Variants in LIPC observed in about 807,000 individuals in gnomAD.
The protein encoded by LIPC is lipase C, hepatic type.
In LIPC, 44 loss-of-function variants were observed where a neutral mutation model predicts 50.7. The ratio of observed to expected loss-of-function variants is 0.87; its 90% CI spans 0.68 to 1.11. The LOEUF (loss-of-function observed/expected upper bound fraction) is 1.11, where lower values mean the gene tolerates loss of function less well. Among genes scored for constraint, LIPC ranks in the 50% most tolerant of loss-of-function variants. The pLI is 0.00. For synonymous variants in LIPC, 271 were observed against 256.4 expected (o/e 1.06, Z -0.54); for missense variants, 697 against 648.2 (o/e 1.08, Z -0.82).
chr15:58,555,120 T>C (rs1179906324), intron 6 of LIPC, among the ~76,000 whole-genome samples: 5 of 152,234 alleles, frequency 3.3e-5, no homozygotes, highest in African/African-American at 1.2e-4. Context: ...CTTTGCATCC[T>C]CTAAAGCTGA....
At chr15:58,518,112 G>T (rs1388683505) in intron 1 of LIPC, among the ~76,000 whole-genome samples, 1 of 152,186 alleles carries the variant, frequency 6.6e-6, no homozygotes, top group African/African-American at 2.4e-5. Context: ...ATTCTTTGTT[G>T]TGAGAGGCTG....
intron 1 of LIPC, among the ~76,000 whole-genome samples, chr15:58,490,105 A>G (rs1238117354): frequency 6.6e-6 from 1 of 152,214 alleles, no homozygotes; most frequent in East Asian, 1.9e-4. Context: ...AGGATTTACT[A>G]TTCAGCACAT....
At chr15:58,476,612 C>T (rs1256387216) in intron 1 of LIPC, among the ~76,000 whole-genome samples, 1 of 152,234 alleles carries the variant, frequency 6.6e-6, no homozygotes, top group East Asian at 1.9e-4. Context: ...GGACCTCACC[C>T]TGCCGGCTGC....
chr15:58,564,930 C>T (rs1040269755), intron 8 of LIPC, among the ~76,000 whole-genome samples: 5 of 152,120 alleles, frequency 3.3e-5, no homozygotes, highest in African/African-American at 1.2e-4. Context: ...AACGGTCTCT[C>T]CTCTCCCACC....
intron 8 of LIPC, chr15:58,565,267 A>G (rs1293903282): frequency 1.3e-6 from 2 of 1,535,484 alleles, no homozygotes; most frequent in African/African-American, 2.7e-5. Context: ...GGCCCATTGG[A>G]GCAGCGCTGC....
At chr15:58,526,424 C>A (rs1892801336) in intron 1 of LIPC, among the ~76,000 whole-genome samples, 1 of 152,182 alleles carries the variant, frequency 6.6e-6, no homozygotes, top group Non-Finnish European at 1.5e-5. Context: ...GCTGGAGCAC[C>A]CTAGCTGGTG....
At chr15:58,484,799 A>G (rs1014004633) in intron 1 of LIPC, among the ~76,000 whole-genome samples, 1 of 152,260 alleles carries the variant, frequency 6.6e-6, no homozygotes, top group African/African-American at 2.4e-5. Context: ...GGAGTATGCC[A>G]ACTGAGAATG....
In LIPC at chr15:58,563,601, C is replaced by G. The variant is rs1260054193; in HGVS notation, c.1266C>G (p.Asn422Lys). Reference sequence around the variant, plus strand: ...TCATGATCAAGTTCAAGTGGGAAAACAGTGCAGTGTGGGCCAATGTCTGGG... The same window carrying G: ...TCATGATCAAGTTCAAGTGGGAAAAGAGTGCAGTGTGGGCCAATGTCTGGG... Reference protein sequence around the residue: ...ELIMIKFKWENSAVWANVWDT... With the variant: ...ELIMIKFKWEKSAVWANVWDT... The change falls in exon 8 of 9, where the codon AAC becomes AAG. Residue 422 changes from asparagine to lysine, a missense_variant. By Grantham distance (94) the Asn-to-Lys change is moderately conservative (BLOSUM62 0). Coordinates refer to ENST00000299022, the MANE Select transcript of LIPC (RefSeq NM_000236.3). 3 of 1,614,046 alleles carry G rather than the reference C, an allele frequency of 1.9e-6. No individual in the cohort carries two copies. The highest frequency in any genetic ancestry group is 2.7e-5 in the African/African-American group (2 of 74,930).
chr15:58,542,049 A>G, intron 3 of LIPC, 82 bp downstream of exon 3: 1 of 1,443,328 alleles, frequency 6.9e-7, no homozygotes, highest in South Asian at 1.2e-5. Flanking sequence ...GCTGGTCTCC[A>G]ACAGCAGCCC....
At chr15:58,449,907 G>T (rs1279327986) in intron 1 of LIPC, among the ~76,000 whole-genome samples, 3 of 152,092 alleles carry the variant, frequency 2.0e-5, no homozygotes, top group Non-Finnish European at 2.9e-5. Context: ...ATTCTGCTTT[G>T]TCTGGTGATG....
chr15:58,507,064 T>A (rs7162786), intron 1 of LIPC, among the ~76,000 whole-genome samples: 5 of 151,966 alleles, frequency 3.3e-5, no homozygotes, highest in Admixed American at 6.5e-5. Flanking sequence ...GGGAAACCAC[T>A]CCCATGATTC....
intron 6 of LIPC, among the ~76,000 whole-genome samples, chr15:58,548,875 T>G (rs924933860): frequency 2.6e-5 from 4 of 152,174 alleles, no homozygotes; most frequent in Admixed American, 2.6e-4. Context: ...CCACACGCAG[T>G]TTACCTGGGC....
At chr15:58,473,575 C>T (rs1890882704) in intron 1 of LIPC, 1 of 152,228 alleles carries the variant, frequency 6.6e-6, no homozygotes, top group South Asian at 2.1e-4. Context: ...AAAAACTGCT[C>T]CAGTTAATAT....
chr15:58,476,970 A>T (rs1160871845), intron 1 of LIPC, among the ~76,000 whole-genome samples: 1 of 152,180 alleles, frequency 6.6e-6, no homozygotes, highest in Non-Finnish European at 1.5e-5. Flanking sequence ...CTCAAATCAA[A>T]CAACCTGGTC....
intron 1 of LIPC, among the ~76,000 whole-genome samples, chr15:58,443,508 T>C (rs1457349948): frequency 1.3e-5 from 2 of 152,238 alleles, no homozygotes; most frequent in Non-Finnish European, 2.9e-5. Flanking sequence ...TCTGGGCTAC[T>C]TTTAAGGTCA....
At chr15:58,468,142 A>G (rs1342086757) in intron 1 of LIPC, among the ~76,000 whole-genome samples, 1 of 152,210 alleles carries the variant, frequency 6.6e-6, no homozygotes, top group Non-Finnish European at 1.5e-5. Flanking sequence ...ATATTACCCC[A>G]GATTATAGAT....
intron 1 of LIPC, among the ~76,000 whole-genome samples, chr15:58,504,174 C>T (rs985085957): frequency 5.9e-5 from 9 of 152,170 alleles, no homozygotes; most frequent in Admixed American, 1.3e-4. Context: ...CCTCCAAACC[C>T]CCTCAAGATT....
At chr15:58,441,872 A>G (rs1893519102) in intron 1 of LIPC, among the ~76,000 whole-genome samples, 1 of 152,042 alleles carries the variant, frequency 6.6e-6, no homozygotes, top group African/African-American at 2.4e-5. Flanking sequence ...ATGTTTTTTG[A>G]TTTTGGAGTG....
Position 58,553,405 on chromosome 15 carries a change from G to A in LIPC, c.1051+4833G>A, listed in dbSNP as rs147784043. On this transcript the variant is annotated intron_variant, in intron 6 of 8. Transcript: ENST00000299022. ...GAGCCCAGGCGTTCCAAACCAGCTCGGGCAACAAAGCAAGACGCCATCTCT... is the reference window on the plus strand; with the variant it reads ...GAGCCCAGGCGTTCCAAACCAGCTCAGGCAACAAAGCAAGACGCCATCTCT... Among the ~76,000 whole-genome samples, 918 of 152,234 alleles carry A rather than the reference G, an allele frequency of 6.0e-3. 2 individuals are homozygous for A. Among genetic ancestry groups the A allele is most frequent in the Non-Finnish European group, 8.2e-3 (555 of 68,020 alleles).
Sources: gnomAD v4.1 joint callset for allele counts (sites outside exome capture counted in the v4.1 genomes callset) on GRCh38, gnomAD v4.1.1 for gene constraint, MANE v1.5 for transcripts, NCBI Gene and HGNC (gene_info 2026-07-23, HGNC 2026-07-21) for gene names.